The following PITPNM3 variants were observed in gnomAD, a reference collection of about 807,000 sequenced individuals.
The protein encoded by PITPNM3 is PITPNM family member 3.
PITPNM3 carries 26 observed loss-of-function variants against 102.0 expected under a neutral mutation model. The observed-to-expected ratio is 0.25, with a 90% CI of 0.19 to 0.35. The LOEUF (loss-of-function observed/expected upper bound fraction) is 0.35. Among genes scored for constraint, PITPNM3 ranks in the 10% least tolerant of loss-of-function variants. The probability of loss-of-function intolerance (pLI) is 1.00; values close to 1 mark genes in which losing one functional copy is unlikely to be tolerated. For synonymous variants in PITPNM3, 578 were observed against 558.6 expected (o/e 1.03, Z -0.49); for missense variants, 1,083 against 1,346.1 (o/e 0.80, Z 3.06).
At chr17:6,506,107 C>T (rs1449083478) in intron 3 of PITPNM3, among the ~76,000 whole-genome samples, 3 of 152,050 alleles carry the variant, frequency 2.0e-5, no homozygotes, top group East Asian at 1.9e-4. Context: ...AAAACCAAGG[C>T]CTGAAGAGGT....
chr17:6,464,407 G>T, intron 15 of PITPNM3, 89 bp from the exon 16 acceptor site: 1 of 1,404,722 alleles, frequency 7.1e-7, no homozygotes, highest in Non-Finnish European at 9.9e-7. Context: ...TCTGGGCTGA[G>T]GTCCCTGCCT....
chr17:6,493,762 A>C (rs957859708), intron 4 of PITPNM3, among the ~76,000 whole-genome samples: 1 of 152,234 alleles, frequency 6.6e-6, no homozygotes, highest in Non-Finnish European at 1.5e-5. Context: ...TCACAGAGAC[A>C]CTACCCCAGA....
chr17:6,497,042 GAA>G (rs1567676625), intron 4 of PITPNM3, among the ~76,000 whole-genome samples: 1 of 152,146 alleles, frequency 6.6e-6, no homozygotes, highest in Non-Finnish European at 1.5e-5. Flanking sequence ...ACACATGCAA[GAA>G]AAGTGCTCCC....
chr17:6,462,783 G>T (rs1448386262), intron 17 of PITPNM3, among the ~76,000 whole-genome samples: 1 of 152,180 alleles, frequency 6.6e-6, no homozygotes, highest in Non-Finnish European at 1.5e-5. Flanking sequence ...GGGGTGCAGG[G>T]ATCACCCCTA....
At chr17:6,548,543 A>G (rs1050814483) in intron 1 of PITPNM3, among the ~76,000 whole-genome samples, 1 of 152,114 alleles carries the variant, frequency 6.6e-6, no homozygotes, top group Non-Finnish European at 1.5e-5. Flanking sequence ...ATCAGGGCCA[A>G]AAGGAGTTCT....
intron 3 of PITPNM3, among the ~76,000 whole-genome samples, chr17:6,510,279 C>T (rs1907794886): frequency 6.6e-6 from 1 of 152,152 alleles, no homozygotes; most frequent in Non-Finnish European, 1.5e-5. Flanking sequence ...TAAGGAATGA[C>T]AACCTCATAG....
chr17:6,468,437 C>A lies in PITPNM3; in HGVS notation c.1774-96G>T. ...CCCACCAGCTTGTGGCCAGCTGGGC[C>A]CTGCCCCTGCAACCCCCCAACCTCA... On this transcript the variant is annotated intron_variant, in intron 13 of 19. Transcript: ENST00000262483. This position sits in a 1 kb window ranked among gnomAD's most constrained non-coding sequence, Gnocchi z 5.2. The A allele has an allele frequency of 8.0e-7, 1 of 1,257,384 alleles. No homozygotes were observed. Among genetic ancestry groups the A allele is most frequent in the Middle Eastern group, 2.2e-4 (1 of 4,546 alleles). The allele number at this position is 1,257,384 out of a possible 1,614,324, so 77.9% of individuals were successfully genotyped here. A position where few individuals can be genotyped will look rare whatever the true frequency, so the allele number is the denominator to read the frequency against.
intron 1 of PITPNM3, among the ~76,000 whole-genome samples, chr17:6,543,798 G>T (rs919571153): frequency 6.6e-6 from 1 of 152,190 alleles, no homozygotes; most frequent in East Asian, 1.9e-4. Flanking sequence ...AGCAGGGACT[G>T]GCTAGGGTAC....
Position 6,483,387 on chromosome 17 carries a change from T to C in PITPNM3, c.587+130A>G, listed in dbSNP as rs1272696849. 4.4e-6 allele frequency: 4 copies of C among 913,792 alleles called. No individual in the cohort carries two copies. The African/African-American group carries it at 6.6e-5, about 15-fold the overall frequency. 56.6% of individuals were successfully genotyped at this position (913,792 alleles called of 1,614,324 possible). ...TTCCACCAGGGATGCTTGTGTTTCG[T>C]CACGATCTGACACCCCAGAGAGTCC... On this transcript the variant is annotated intron_variant, in intron 6 of 19. Coordinates refer to ENST00000262483, the MANE Select transcript of PITPNM3 (RefSeq NM_031220.4).
At chr17:6,464,860 G>A in intron 14 of PITPNM3, 89 bp from the exon 15 acceptor site, 1 of 1,215,504 alleles carries the variant, frequency 8.2e-7, no homozygotes, top group Non-Finnish European at 1.2e-6. Flanking sequence ...CTGGCTGGAG[G>A]CATATCAGCT....
rs1227095093 is a variant in PITPNM3, at chr17:6,471,161, T to C, written c.1624A>G (p.Ile542Val). The C allele has an allele frequency of 1.2e-6, 2 of 1,611,966 alleles. No individual in the cohort carries two copies. The highest frequency in any genetic ancestry group is 4.5e-5 in the East Asian group (2 of 44,880). Residue 542 changes from isoleucine (I) to valine (V), a missense_variant and splice_region_variant, in exon 12 of 20, where the codon ATC (isoleucine) becomes GTC (valine). Physicochemically the swap from Ile to Val is conservative, Grantham distance 29. Around this residue, in one of 5 missense-constraint regions of PITPNM3, gnomAD observed 410 missense variants for 638.4 expected, o/e 0.64. Transcript: ENST00000262483. The part of the protein sequence containing the change: ...DSMAPVGASR[I>V]TAKWWGSKRI... ...AGGGCCCCAAAAGGACCTCACTCAC[T>C]GCGGGAGGCACCCACGGGTGCCATG...
intron 1 of PITPNM3, among the ~76,000 whole-genome samples, chr17:6,542,250 C>T (rs1037696527): frequency 2.0e-5 from 3 of 152,178 alleles, no homozygotes; most frequent in African/African-American, 4.8e-5. Flanking sequence ...ATCCTTGTGT[C>T]TGTGGGAAAA....
chr17:6,477,286 C>T, intron 8 of PITPNM3, 73 bp from the exon 9 acceptor site: 6 of 1,507,096 alleles, frequency 4.0e-6, no homozygotes, highest in South Asian at 2.3e-5. Context: ...TGTCTCCTCC[C>T]CCCAAGCACA....
chr17:6,502,450 TG>T (rs1907241735), intron 4 of PITPNM3, among the ~76,000 whole-genome samples: 1 of 151,846 alleles, frequency 6.6e-6, no homozygotes, highest in Non-Finnish European at 1.5e-5. Flanking sequence ...AGCAAGACTC[TG>T]TCTCAAGAAA....
chr17:6,508,232 C>A (rs1907659103), intron 3 of PITPNM3, among the ~76,000 whole-genome samples: 1 of 152,204 alleles, frequency 6.6e-6, no homozygotes, highest in Non-Finnish European at 1.5e-5. Flanking sequence ...AGCTCTGGGA[C>A]TCCTCAAAGC....
Position 6,453,706 on chromosome 17 carries a change from G to A in PITPNM3, c.*1632C>T, listed in dbSNP as rs1253623936. The A allele has an allele frequency of 6.6e-6, 1 of 152,416 alleles. No homozygotes were observed. The highest frequency in any genetic ancestry group is 1.5e-5 in the Non-Finnish European group (1 of 68,176). The allele number at this position is 152,416 out of a possible 1,614,324, so 9.4% of individuals were successfully genotyped here. A position where few individuals can be genotyped will look rare whatever the true frequency, so the allele number is the denominator to read the frequency against. On this transcript the variant is annotated 3_prime_UTR_variant, in exon 20 of 20. Coordinates refer to ENST00000262483, the MANE Select transcript of PITPNM3 (RefSeq NM_031220.4). Reference sequence around the variant, plus strand: ...GCGGTGCCAGCCGCCCCCACCAGCAGCGTCACTGGCTGCATGGGAGCCGCG... The same window carrying A: ...GCGGTGCCAGCCGCCCCCACCAGCAACGTCACTGGCTGCATGGGAGCCGCG...
intron 15 of PITPNM3, 65 bp downstream of exon 15, chr17:6,464,590 T>C (rs949658111): frequency 2.3e-5 from 34 of 1,485,294 alleles, no homozygotes; most frequent in Admixed American, 1.7e-5. Flanking sequence ...CCACACGCTA[T>C]GTGGCTCCAT....
chr17:6,547,273 G>GACCTGCT (rs1910075802), intron 1 of PITPNM3, among the ~76,000 whole-genome samples: 1 of 152,176 alleles, frequency 6.6e-6, no homozygotes, highest in African/African-American at 2.4e-5. Flanking sequence ...GCTTTTTGAA[G>GACCTGCT]ACCTGCTGGT....
In PITPNM3 at chr17:6,478,422, A is replaced by G. The variant is rs1188272815; in HGVS notation, c.777+125T>C. ...GGCTAACTCAGAGATCTCAAAAGCCACCTTTGGGCTCAGAGGCTGATTCGA... is the reference window on the plus strand; with the variant it reads ...GGCTAACTCAGAGATCTCAAAAGCCGCCTTTGGGCTCAGAGGCTGATTCGA... On this transcript the variant is annotated intron_variant, in intron 7 of 19. Coordinates refer to ENST00000262483, the MANE Select transcript of PITPNM3 (RefSeq NM_031220.4). The surrounding 1 kb of genome is among the most constrained non-coding windows in gnomAD (Gnocchi z 4.4). 1 of 1,264,776 alleles carries G rather than the reference A, an allele frequency of 7.9e-7. No homozygotes were observed. The highest frequency in any genetic ancestry group is 1.1e-6 in the Non-Finnish European group (1 of 892,926). The allele number at this position is 1,264,776 out of a possible 1,614,324, so 78.3% of individuals were successfully genotyped here.
Sources: gnomAD v4.1 joint callset for allele counts (sites outside exome capture counted in the v4.1 genomes callset) on GRCh38, gnomAD v4.1.1 for gene constraint, gnomAD v4.1.1 regional missense constraint, Gnocchi (gnomAD v3.1) non-coding constraint, MANE v1.5 for transcripts, NCBI Gene and HGNC (gene_info 2026-07-23, HGNC 2026-07-21) for gene names.